MSN: variants seen among roughly 807,000 people sequenced by gnomAD.
MSN encodes moesin.
A neutral mutation model predicts 48.0 loss-of-function variants in MSN; 2 were observed. The observed-to-expected ratio is 0.04, with a 90% confidence interval of 0.02 to 0.13. The LOEUF (loss-of-function observed/expected upper bound fraction) is 0.13, where lower values mean the gene tolerates loss of function less well. MSN is among the 10% of genes least tolerant of loss of function. The probability of loss-of-function intolerance (pLI) is 1.00; values close to 1 mark genes in which losing one functional copy is unlikely to be tolerated. For missense variants in MSN, 267 were observed against 470.1 expected (o/e 0.57, Z 3.99); for synonymous variants, 146 against 166.9 (o/e 0.87, Z 0.97).
At chrX:65,738,888 C>A in intron 11 of MSN, 82 bp from the exon 12 acceptor site, 2 of 1,034,507 alleles carry the variant, frequency 1.9e-6, no homozygotes, top group Non-Finnish European at 2.7e-6. Flanking sequence ...CTGCCTCTTG[C>A]CAGACCGTTC....
At chrX:65,623,550 C>A (rs1056727070) in intron 1 of MSN, among the ~76,000 whole-genome samples, 4 of 109,890 alleles carry the variant, frequency 3.6e-5, no homozygotes, top group Admixed American at 1.9e-4. Context: ...GTGGCTCATG[C>A]CTGTAATCCC....
At chrX:65,700,323 C>T (rs1440918825) in intron 1 of MSN, among the ~76,000 whole-genome samples, 1 of 111,363 alleles carries the variant, frequency 9.0e-6, no homozygotes, top group Non-Finnish European at 1.9e-5. Context: ...CCTCTAGAGC[C>T]CAGGGTTTCT....
chrX:65,731,761 A>G, intron 5 of MSN, 77 bp from the exon 6 acceptor site: 1 of 1,096,125 alleles, frequency 9.1e-7, no homozygotes, highest in Non-Finnish European at 1.2e-6. Flanking sequence ...TCAGAAGTAC[A>G]GAGTAAGCAG....
At chrX:65,677,756 T>TA (rs1166541373) in intron 1 of MSN, among the ~76,000 whole-genome samples, 4 of 100,812 alleles carry the variant, frequency 4.0e-5, no homozygotes, top group Middle Eastern at 5.3e-3. Context: ...AGACTCTGTC[T>TA]AAAAAAAAAG....
intron 1 of MSN, chrX:65,589,802 C>T: frequency 8.9e-6 from 1 of 112,201 alleles, no homozygotes. Flanking sequence ...TGAGCCATCC[C>T]CACCTGGCAC....
At chrX:65,711,618 ATTAC>A (rs1306068280) in intron 1 of MSN, among the ~76,000 whole-genome samples, 4 of 112,747 alleles carry the variant, frequency 3.5e-5, no homozygotes, top group Admixed American at 9.4e-5. Flanking sequence ...GTGCTCGGTA[ATTAC>A]TTAATATGAT....
At chrX:65,664,609 A>G (rs1444379382), upstream of MSN, among the ~76,000 whole-genome samples, 2 of 109,342 alleles carry the variant, frequency 1.8e-5, no homozygotes, top group Admixed American at 2.0e-4. Context: ...AGTCTCTGAT[A>G]GTTTATGCTC....
At chrX:65,616,911 C>A (rs1405857787) in intron 1 of MSN, among the ~76,000 whole-genome samples, 2 of 110,774 alleles carry the variant, frequency 1.8e-5, no homozygotes, top group Non-Finnish European at 3.8e-5. Context: ...GAGTTTTTAG[C>A]ATGAAGAGTT....
intron 1 of MSN, among the ~76,000 whole-genome samples, chrX:65,683,742 T>G (rs1196631383): frequency 9.0e-6 from 1 of 110,631 alleles, no homozygotes; most frequent in Non-Finnish European, 1.9e-5. Context: ...TGGAACAGAT[T>G]TAAATAAATA....
At chrX:65,712,456 A>G (rs1174588200) in intron 1 of MSN, among the ~76,000 whole-genome samples, 1 of 110,953 alleles carries the variant, frequency 9.0e-6, no homozygotes, top group Non-Finnish European at 1.9e-5. Context: ...TACTCACTCC[A>G]TGGAAATTTG....
chrX:65,670,963 G>A (rs1210937081), intron 1 of MSN, among the ~76,000 whole-genome samples: 4 of 55,504 alleles, frequency 7.2e-5, no homozygotes, highest in Non-Finnish European at 1.3e-4. Flanking sequence ...TATTTAAAAA[G>A]GCCTTTCCCC....
chrX:65,618,404 A>T (rs775887313), intron 1 of MSN, among the ~76,000 whole-genome samples: 6 of 111,557 alleles, frequency 5.4e-5, no homozygotes, highest in Non-Finnish European at 1.1e-4. Context: ...TATTGGGTGC[A>T]TATATATTTA....
chrX:65,728,455 G>A (rs1055882903), intron 3 of MSN, among the ~76,000 whole-genome samples: 4 of 110,318 alleles, frequency 3.6e-5, no homozygotes, highest in Non-Finnish European at 5.7e-5. Context: ...CACCACGCCC[G>A]GCTAATTTTT....
intron 1 of MSN, among the ~76,000 whole-genome samples, chrX:65,622,207 G>A (rs1315150413): frequency 1.9e-5 from 2 of 105,076 alleles, no homozygotes; most frequent in African/African-American, 6.9e-5. Flanking sequence ...CAATTCTCCT[G>A]CCTCAGCCTC....
upstream of MSN, among the ~76,000 whole-genome samples, chrX:65,666,062 G>A (rs755240354): frequency 8.9e-6 from 1 of 111,797 alleles, no homozygotes; most frequent in South Asian, 3.7e-4. Context: ...GCCCAGGCTG[G>A]AGTGCAGTGG....
intron 1 of MSN, among the ~76,000 whole-genome samples, chrX:65,712,395 G>A (rs1023767479): frequency 7.2e-5 from 8 of 110,914 alleles, no homozygotes; most frequent in East Asian, 2.8e-4. Flanking sequence ...CTCCTGACCC[G>A]TGTGTTCAGG....
At chrX:65,601,052 C>T (rs1489074363) in intron 1 of MSN, among the ~76,000 whole-genome samples, 1 of 111,780 alleles carries the variant, frequency 8.9e-6, no homozygotes, top group African/African-American at 3.3e-5. Context: ...GAAATTTATT[C>T]AAGATCTCAC....
In MSN at chrX:65,721,919, CA is replaced by C; in HGVS notation, c.96+5023del. ...GCAACATAGCGAGACCCCATCTCTA[CA>C]AAAACTTAAAAATTAGCTGGGCATG... is the stretch of plus-strand genomic sequence containing the variant. On this transcript the variant is annotated intron_variant, in intron 2 of 12. Transcript: ENST00000360270. Among the ~76,000 whole-genome samples, 3 of 111,034 alleles carry C rather than the reference CA, an allele frequency of 2.7e-5. No homozygotes were observed. In the Admixed American group the frequency reaches 2.9e-4, roughly 11 times the overall value.
At chrX:65,605,866 G>A (rs1465688980) in intron 1 of MSN, among the ~76,000 whole-genome samples, 1 of 111,589 alleles carries the variant, frequency 9.0e-6, no homozygotes, top group African/African-American at 3.3e-5. Context: ...AATTCCTTCT[G>A]TGTGTCACTC....
Sources: gnomAD v4.1 joint callset for allele counts (sites outside exome capture counted in the v4.1 genomes callset) on GRCh38, gnomAD v4.1.1 for gene constraint, MANE v1.5 for transcripts, NCBI Gene and HGNC (gene_info 2026-07-23, HGNC 2026-07-21) for gene names.